ATP10B: variants seen among roughly 807,000 people sequenced by gnomAD.
ATP10B encodes ATPase phospholipid transporting 10B (putative), also known as phospholipid-transporting ATPase VB.
Under a neutral mutation model 141.2 loss-of-function variants are expected in ATP10B, and 122 were observed. That is an observed-to-expected ratio of 0.86 (90% CI 0.75 to 1.00). The LOEUF (loss-of-function observed/expected upper bound fraction) is 1.00, where lower values mean the gene tolerates loss of function less well. ATP10B is among the 50% of genes least tolerant of loss of function. The pLI is 0.00. For missense variants in ATP10B, 1,876 were observed against 1,825.3 expected (o/e 1.03, Z -0.51); for synonymous variants, 685 against 692.0 (o/e 0.99, Z 0.16).
In ATP10B at chr5:160,589,779, T is replaced by C. The variant is rs73304674; in HGVS notation, c.3646-83A>G. 7.7e-3 allele frequency: 7,616 copies of C among 990,196 alleles called. 242 individuals carry two copies. In the African/African-American group the frequency reaches 0.083, roughly 11 times the overall value. 61.3% of individuals were successfully genotyped at this position (990,196 alleles called of 1,614,324 possible). On this transcript the variant is annotated intron_variant, in intron 23 of 25. Transcript: ENST00000327245. ...TGACACAGTGATTATAAAGCATCAA[T>C]GAAGGCAGTTGTCAATGGAGAAGGA...
At chr5:160,863,421 G>C in the ATP10B span, among the ~76,000 whole-genome samples, 1 of 151,858 alleles carries the variant, frequency 6.6e-6, no homozygotes, top group African/African-American at 2.4e-5. Flanking sequence ...AAAGTAACAA[G>C]AGACACAACC....
rs534089703 is a variant in ATP10B, at chr5:160,584,030, G to T, written c.3750+5562C>A. ...CCTGGCTTCAGCCCCCTTTCCAGGG[G>T]AGTGAACAGTTCTATCTCTTTGGCA... On this transcript the variant is annotated intron_variant, in intron 24 of 25. Transcript: ENST00000327245. Among the ~76,000 whole-genome samples, 3 of 152,174 alleles carry T rather than the reference G, an allele frequency of 2.0e-5. No individual in the cohort carries two copies. The East Asian group carries it at 5.8e-4, about 29-fold the overall frequency.
the ATP10B span, among the ~76,000 whole-genome samples, chr5:160,875,903 C>T: frequency 2.4e-5 from 1 of 41,190 alleles, no homozygotes; most frequent in African/African-American, 5.4e-5. Flanking sequence ...GAGTGACCTA[C>T]AAAGAGACTT....
intron 16 of ATP10B, 121 bp from the exon 17 acceptor site, chr5:160,616,085 G>T: frequency 2.0e-5 from 21 of 1,059,794 alleles, no homozygotes; most frequent in East Asian, 8.4e-5. Flanking sequence ...AATTAGATGG[G>T]GCTTTCTTCT....
intron 9 of ATP10B, among the ~76,000 whole-genome samples, chr5:160,642,682 G>T (rs1156991010): frequency 6.6e-6 from 1 of 152,194 alleles, no homozygotes; most frequent in Non-Finnish European, 1.5e-5. Flanking sequence ...AAAACAACTG[G>T]TATCTTCTTT....
chr5:160,761,390 G>A (rs1315267221), intron 2 of ATP10B, among the ~76,000 whole-genome samples: 4 of 26,630 alleles, frequency 1.5e-4, no homozygotes, highest in Non-Finnish European at 2.6e-4. Flanking sequence ...GTAGACATTC[G>A]CCAGCACCAG....
At chr5:160,918,784 G>A in the ATP10B span, among the ~76,000 whole-genome samples, 1 of 152,266 alleles carries the variant, frequency 6.6e-6, no homozygotes, top group East Asian at 1.9e-4. Flanking sequence ...TTGCTCAGAG[G>A]AGGATTTCCT....
intron 2 of ATP10B, among the ~76,000 whole-genome samples, chr5:160,719,643 C>T (rs1765877914): frequency 6.6e-6 from 1 of 152,204 alleles, no homozygotes; most frequent in Non-Finnish European, 1.5e-5. Context: ...GAGCCAGTGA[C>T]TTGTTTGAAC....
chr5:160,793,489 C>G (rs1771735583), intron 1 of ATP10B, among the ~76,000 whole-genome samples: 1 of 152,144 alleles, frequency 6.6e-6, no homozygotes, highest in Admixed American at 6.5e-5. Context: ...ATTGTAAATA[C>G]AGTCATACGC....
chr5:160,598,186 A>T (rs551823938), intron 22 of ATP10B, among the ~76,000 whole-genome samples: 1 of 151,990 alleles, frequency 6.6e-6, no homozygotes, highest in East Asian at 1.9e-4. Flanking sequence ...GCACATATAC[A>T]CCATGGAATA....
Position 160,584,088 on chromosome 5 carries a change from A to C in ATP10B, c.3750+5504T>G, listed in dbSNP as rs577097562. Among the ~76,000 whole-genome samples, 8 of 152,066 alleles carry C rather than the reference A, an allele frequency of 5.3e-5. No individual in the cohort carries two copies. In the South Asian group the frequency reaches 8.3e-4, roughly 16 times the overall value. ...CACCACTGGGGTATGGAAAAAAAAA[A>C]CAAAACTCCTGCAGCTATCTCCATG... On this transcript the variant is annotated intron_variant, in intron 24 of 25. Coordinates refer to ENST00000327245, the MANE Select transcript of ATP10B (RefSeq NM_025153.3).
At chr5:160,892,877 T>G in the ATP10B span, among the ~76,000 whole-genome samples, 84,908 of 151,694 alleles carry the variant, frequency 0.56, 25,213 homozygotes, top group Non-Finnish European at 0.66. Flanking sequence ...GTTAGACAGT[T>G]GGTGCAGTCC....
In ATP10B at chr5:160,693,346, G is replaced by A. The variant is rs570972856; in HGVS notation, c.-204-4403C>T. The stretch of plus-strand genomic sequence containing the variant: ...ATACATAAAAACACTCTTGGTTTTA[G>A]GAAATCCACCCCAAAGTATTTAGAG... On this transcript the variant is annotated intron_variant, in intron 3 of 25. Transcript: ENST00000327245. Among the ~76,000 whole-genome samples, 11 of 145,358 alleles carry A rather than the reference G, an allele frequency of 7.6e-5. No homozygotes were observed. The South Asian group carries it at 2.5e-3, about 33-fold the overall frequency.
At chr5:160,593,929 G>A (rs1394941238) in intron 22 of ATP10B, among the ~76,000 whole-genome samples, 1 of 152,220 alleles carries the variant, frequency 6.6e-6, no homozygotes, top group Non-Finnish European at 1.5e-5. Context: ...GAAAGTGACG[G>A]GGAGAAAGAA....
At chr5:160,901,157 T>C in the ATP10B span, among the ~76,000 whole-genome samples, 1 of 152,176 alleles carries the variant, frequency 6.6e-6, no homozygotes, top group Non-Finnish European at 1.5e-5. Flanking sequence ...GCTTTGCAAA[T>C]ATTGCGAACT....
At chr5:160,847,410 A>G (rs2127990965) in intron 1 of ATP10B, among the ~76,000 whole-genome samples, 1 of 152,332 alleles carries the variant, frequency 6.6e-6, no homozygotes, top group South Asian at 2.1e-4. Flanking sequence ...TTCTGATTTT[A>G]TAACAGTACA....
chr5:160,811,291 A>C (rs1270218099), intron 1 of ATP10B, among the ~76,000 whole-genome samples: 5 of 152,280 alleles, frequency 3.3e-5, no homozygotes, highest in African/African-American at 1.2e-4. Flanking sequence ...CTGCTTGAGA[A>C]AAGCAGAGGG....
At chr5:160,823,035 T>TATATATATATATATAA (rs1554121614) in intron 1 of ATP10B, among the ~76,000 whole-genome samples, 1 of 111,964 alleles carries the variant, frequency 8.9e-6, no homozygotes, top group Non-Finnish European at 1.9e-5. Context: ...TATATATATA[T>TATATATATATATATAA]AAAATAAAGA....
chr5:160,738,248 TC>T (rs1767253880), intron 2 of ATP10B, among the ~76,000 whole-genome samples: 1 of 152,066 alleles, frequency 6.6e-6, no homozygotes, highest in Non-Finnish European at 1.5e-5. Context: ...AAAATAAACA[TC>T]AAAATTTGTG....
Sources: allele counts gnomAD v4.1 joint callset (sites outside exome capture counted in the v4.1 genomes callset), GRCh38; gene constraint gnomAD v4.1.1; transcripts MANE v1.5; gene names NCBI Gene and HGNC (gene_info 2026-07-23, HGNC 2026-07-21).